The following HUNK variants were observed in gnomAD, a reference collection of about 807,000 sequenced individuals.
The protein encoded by HUNK is hormonally up-regulated neu tumor-associated kinase.
A neutral mutation model predicts 61.0 loss-of-function variants in HUNK; 21 were observed. The ratio of observed to expected loss-of-function variants is 0.34; its 90% confidence interval spans 0.24 to 0.50. The LOEUF (loss-of-function observed/expected upper bound fraction) is 0.50. Ranked by LOEUF, HUNK falls within the 20% of genes least tolerant of loss-of-function variation. The pLI is 0.98. For synonymous variants in HUNK, 371 were observed against 386.1 expected (o/e 0.96, Z 0.46); for missense variants, 772 against 945.7 (o/e 0.82, Z 2.41).
intron 1 of HUNK, among the ~76,000 whole-genome samples, chr21:31,896,571 A>AAAAC (rs576399100): frequency 2.0e-5 from 3 of 152,216 alleles, no homozygotes; most frequent in Admixed American, 6.5e-5. Flanking sequence ...GGTCAAGAAA[A>AAAAC]AAACAAACAA....
At chr21:31,903,989 A>G (rs938929087) in intron 1 of HUNK, among the ~76,000 whole-genome samples, 2 of 152,194 alleles carry the variant, frequency 1.3e-5, no homozygotes, top group Non-Finnish European at 2.9e-5. Context: ...AATCAACTAA[A>G]GAAATAGCCC....
intron 1 of HUNK, among the ~76,000 whole-genome samples, chr21:31,905,969 G>T (rs1372342632): frequency 6.7e-6 from 1 of 148,734 alleles, no homozygotes; most frequent in East Asian, 2.1e-4. Flanking sequence ...TCAGTTTAGT[G>T]TACGACTGTT....
chr21:31,880,364 G>T (rs1164397816), intron 1 of HUNK, among the ~76,000 whole-genome samples: 2 of 152,290 alleles, frequency 1.3e-5, no homozygotes, highest in East Asian at 3.9e-4. Flanking sequence ...AATTTATTCT[G>T]TCACAGTTCT....
At position 32,000,955 on chromosome 21, in the gene HUNK, G is replaced by C; in HGVS notation, c.*1771G>C. ...TTATTTTTTGTATAGCTTCAGACTG[G>C]GTTCCAGAACTTACCATTGAAAACA... is the stretch of plus-strand genomic sequence containing the variant. On this transcript the variant is annotated 3_prime_UTR_variant, in exon 11 of 11. Coordinates refer to ENST00000270112, the MANE Select transcript of HUNK (RefSeq NM_014586.2). 1 of 386,156 alleles carries C rather than the reference G, an allele frequency of 2.6e-6. No individual in the cohort carries two copies. The highest frequency in any genetic ancestry group is 4.6e-6 in the Non-Finnish European group (1 of 218,952). 23.9% of individuals were successfully genotyped at this position (386,156 alleles called of 1,614,324 possible).
intron 1 of HUNK, among the ~76,000 whole-genome samples, chr21:31,878,181 T>C (rs2052279720): frequency 7.0e-6 from 1 of 142,502 alleles, no homozygotes; most frequent in Admixed American, 7.4e-5. Context: ...ATCGCTTGAA[T>C]GTGGGAGGTG....
chr21:31,953,791 A>G (rs1033357972), intron 4 of HUNK, among the ~76,000 whole-genome samples: 1 of 152,254 alleles, frequency 6.6e-6, no homozygotes, highest in East Asian at 1.9e-4. Flanking sequence ...AGGATTTGTG[A>G]CAATTTTTTT....
At chr21:31,959,516 C>G (rs1427538388) in intron 5 of HUNK, among the ~76,000 whole-genome samples, 1 of 152,204 alleles carries the variant, frequency 6.6e-6, no homozygotes, top group African/African-American at 2.4e-5. Context: ...GAAAAGTTCT[C>G]TCAAGCTTTA....
intron 3 of HUNK, among the ~76,000 whole-genome samples, chr21:31,945,311 C>T (rs950689701): frequency 2.0e-5 from 3 of 152,122 alleles, no homozygotes; most frequent in African/African-American, 4.8e-5. Context: ...CAAAGTCACT[C>T]GATGCAGTGG....
chr21:32,000,797 A>T lies in HUNK; in HGVS notation c.*1613A>T. The T allele has an allele frequency of 2.5e-6, 1 of 398,594 alleles. No homozygotes were observed. The highest frequency in any genetic ancestry group is 2.1e-5 in the African/African-American group (1 of 48,760). The allele number at this position is 398,594 out of a possible 1,614,324, so 24.7% of individuals were successfully genotyped here. On this transcript the variant is annotated 3_prime_UTR_variant, in exon 11 of 11. Transcript: ENST00000270112. ...GTGGTGACATCCTTCAGTCCCTCAC[A>T]TCTCTGACAGAGCGGGACAGAATGG...
rs2052644271 is a variant in HUNK, at chr21:31,924,283, T to A, written c.262-185T>A. Reference sequence around the variant, plus strand: ...GTACCTATATGTGTGTGTGTGTGTGTGTTTGTGTGGTATATGCATAAATAT... The same window carrying A: ...GTACCTATATGTGTGTGTGTGTGTGAGTTTGTGTGGTATATGCATAAATAT... On this transcript the variant is annotated intron_variant, in intron 1 of 10. Transcript: ENST00000270112. This position sits in a 1 kb window ranked among gnomAD's most constrained non-coding sequence, Gnocchi z 5.1. Among the ~76,000 whole-genome samples the A allele has an allele frequency of 6.7e-6, 1 of 150,126 alleles. No homozygotes were observed.
At position 31,903,445 on chromosome 21, in the gene HUNK, G is replaced by A. The variant is rs550962622; in HGVS notation, c.262-21023G>A. ...GTCATTGGAATAGTAAAAAATGTTCGCTAGGTACTAAAAATACTGTGGAGT... is the reference window on the plus strand; with the variant it reads ...GTCATTGGAATAGTAAAAAATGTTCACTAGGTACTAAAAATACTGTGGAGT... On this transcript the variant is annotated intron_variant, in intron 1 of 10. Coordinates refer to ENST00000270112, the MANE Select transcript of HUNK (RefSeq NM_014586.2). 6.8e-4 allele frequency among the ~76,000 whole-genome samples: 103 copies of A among 151,820 alleles called. 1 individual carries two copies. Among genetic ancestry groups the A allele is most frequent in the African/African-American group, 2.2e-3 (93 of 41,394 alleles).
intron 6 of HUNK, among the ~76,000 whole-genome samples, chr21:31,973,572 A>T (rs955049281): frequency 7.1e-6 from 1 of 140,330 alleles, no homozygotes; most frequent in Non-Finnish European, 1.6e-5. Flanking sequence ...GATGATGGTG[A>T]TGGTGGTGGT....
chr21:31,939,937 C>G (rs781499712), intron 2 of HUNK, among the ~76,000 whole-genome samples: 5 of 151,802 alleles, frequency 3.3e-5, no homozygotes, highest in Non-Finnish European at 7.4e-5. Flanking sequence ...CTTCTGTCCT[C>G]TTTGCTGTCT....
In HUNK at chr21:31,991,859, G is replaced by A. The variant is rs2053174032; in HGVS notation, c.1305+1683G>A. Among the ~76,000 whole-genome samples the A allele has an allele frequency of 7.2e-5, 11 of 152,364 alleles. No homozygotes were observed. In the South Asian group the frequency reaches 2.1e-3, roughly 29 times the overall value. ...CATCCATCCTCCGGCCTGGGGTGAT[G>A]AGGATGCAAAGCAAGCATCCGTCCC... On this transcript the variant is annotated intron_variant, in intron 9 of 10. Transcript: ENST00000270112.
intron 9 of HUNK, among the ~76,000 whole-genome samples, chr21:31,990,473 T>C (rs2053164624): frequency 6.6e-6 from 1 of 152,040 alleles, no homozygotes; most frequent in Non-Finnish European, 1.5e-5. Context: ...ACCCACATTA[T>C]GGAGGATAAT....
chr21:31,936,770 G>A (rs775412653), intron 2 of HUNK, among the ~76,000 whole-genome samples: 9 of 151,406 alleles, frequency 5.9e-5, no homozygotes, highest in Non-Finnish European at 1.3e-4. Context: ...TTGGTCTTTC[G>A]TTTATATCAT....
intron 1 of HUNK, among the ~76,000 whole-genome samples, chr21:31,903,187 A>C (rs2052481065): frequency 1.3e-5 from 2 of 152,194 alleles, no homozygotes; most frequent in Admixed American, 1.3e-4. Flanking sequence ...ATAGAAAATC[A>C]TAAACTGAGA....
chr21:32,000,606 G>A lies in HUNK; in HGVS notation c.*1422G>A, dbSNP rs931650263. ...GGCCTGGAGTCTTCAACTTTTGACC[G>A]GTGCAGGTGTGACCAGAGACCACCT... is the stretch of plus-strand genomic sequence containing the variant. On this transcript the variant is annotated 3_prime_UTR_variant, in exon 11 of 11. Transcript: ENST00000270112. The A allele has an allele frequency of 6.0e-5, 24 of 398,958 alleles. No homozygotes were observed. Among genetic ancestry groups the A allele is most frequent in the African/African-American group, 2.3e-4 (11 of 48,642 alleles). 24.7% of individuals were successfully genotyped at this position (398,958 alleles called of 1,614,324 possible).
At chr21:31,928,676 G>T (rs2123819178) in intron 2 of HUNK, among the ~76,000 whole-genome samples, 1 of 152,278 alleles carries the variant, frequency 6.6e-6, no homozygotes, top group East Asian at 1.9e-4. Context: ...TGATTAGGTG[G>T]TTGAGACCTC....
Sources: allele counts gnomAD v4.1 joint callset (sites outside exome capture counted in the v4.1 genomes callset), GRCh38; gene constraint gnomAD v4.1.1; non-coding constraint Gnocchi (gnomAD v3.1); transcripts MANE v1.5; gene names NCBI Gene and HGNC (gene_info 2026-07-23, HGNC 2026-07-21).